The following ADK variants were observed in gnomAD, a reference collection of about 807,000 sequenced individuals.
ADK encodes the protein N6,N6-dimethyladenosine kinase.
Under a neutral mutation model 44.7 loss-of-function variants are expected in ADK, and 24 were observed. The ratio of observed to expected loss-of-function variants is 0.54; its 90% confidence interval spans 0.39 to 0.76. ADK has a LOEUF of 0.76. Among genes scored for constraint, ADK ranks in the 30% least tolerant of loss-of-function variants. The pLI, the probability that ADK is intolerant of heterozygous loss-of-function variation, is 0.00. For missense variants in ADK, 321 were observed against 425.1 expected (o/e 0.76, Z 2.15); for synonymous variants, 128 against 142.6 (o/e 0.90, Z 0.73).
chr10:74,576,212 AAAG>A (rs1851178779), intron 7 of ADK, among the ~76,000 whole-genome samples: 1 of 152,176 alleles, frequency 6.6e-6, no homozygotes, highest in South Asian at 2.1e-4. Flanking sequence ...ATGCAACAGA[AAAG>A]AAGGGAAGAG....
chr10:74,214,147 CT>C (rs1312597713), intron 2 of ADK, among the ~76,000 whole-genome samples: 1 of 152,036 alleles, frequency 6.6e-6, no homozygotes, highest in Non-Finnish European at 1.5e-5. Flanking sequence ...TAACTTTTTG[CT>C]TTTTTATTCT....
chr10:74,581,795 A>G (rs1036030927), intron 7 of ADK, among the ~76,000 whole-genome samples: 1 of 152,180 alleles, frequency 6.6e-6, no homozygotes, highest in Non-Finnish European at 1.5e-5. Context: ...AAGGAAAGAG[A>G]ATATTAACCC....
intron 7 of ADK, among the ~76,000 whole-genome samples, chr10:74,585,849 G>T (rs1018367649): frequency 7.9e-5 from 12 of 152,162 alleles, no homozygotes; most frequent in Non-Finnish European, 1.8e-4. Context: ...ATGGGGACTT[G>T]CTTGTTTTCT....
intron 3 of ADK, among the ~76,000 whole-genome samples, chr10:74,243,296 C>T (rs1206232366): frequency 6.6e-6 from 1 of 152,180 alleles, no homozygotes; most frequent in Non-Finnish European, 1.5e-5. Flanking sequence ...TAACATGCTC[C>T]CTCCTGCAGG....
intron 9 of ADK, among the ~76,000 whole-genome samples, chr10:74,653,423 G>C (rs1307911134): frequency 1.3e-5 from 2 of 152,110 alleles, no homozygotes; most frequent in African/African-American, 4.8e-5. Flanking sequence ...TTGCTGTCCA[G>C]CCTGGGTGAC....
At position 74,622,626 on chromosome 10, in the gene ADK, A is replaced by G. The variant is rs1853034527; in HGVS notation, c.877+22133A>G. Among the ~76,000 whole-genome samples the G allele has an allele frequency of 1.3e-5, 2 of 152,184 alleles. 1 individual carries two copies. Among genetic ancestry groups the G allele is most frequent in the South Asian group, 4.1e-4 (2 of 4,828 alleles). ...CTGTTTTTAGGAATGTGACTTAGGA[A>G]TACTGTTCTTCATACCGCACTTTGG... On this transcript the variant is annotated intron_variant, in intron 9 of 10. Coordinates refer to ENST00000539909, the MANE Select transcript of ADK (RefSeq NM_006721.4).
chr10:74,416,545 GGTTTTT>G (rs1410610454), intron 6 of ADK, among the ~76,000 whole-genome samples: 2 of 143,894 alleles, frequency 1.4e-5, no homozygotes, highest in Non-Finnish European at 3.1e-5. Flanking sequence ...GCACAAGGTT[GGTTTTT>G]GTTTTTGTTT....
rs113312479 is a variant in ADK at position 74,173,230 on chromosome 10, A to G, written c.65+21887A>G. Among the ~76,000 whole-genome samples, 15 of 150,794 alleles carry G rather than the reference A, an allele frequency of 9.9e-5. 1 individual carries two copies. The highest frequency in any genetic ancestry group is 3.4e-4 in the African/African-American group (14 of 41,048). ...CTCAGCCTCCCAAGTGGCTGGGACT[A>G]CAGGCACCCGCCACCACGCCCGGCT... is the stretch of plus-strand genomic sequence containing the variant. On this transcript the variant is annotated intron_variant, in intron 1 of 10. Coordinates refer to ENST00000539909, the MANE Select transcript of ADK (RefSeq NM_006721.4).
In ADK at chr10:74,359,218, T is replaced by C. The variant is rs555784602; in HGVS notation, c.274-34923T>C. Among the ~76,000 whole-genome samples, 280 of 152,348 alleles carry C rather than the reference T, an allele frequency of 1.8e-3. 2 individuals carry two copies. Among genetic ancestry groups the C allele is most frequent in the African/African-American group, 6.6e-3 (276 of 41,584 alleles). On this transcript the variant is annotated intron_variant, in intron 4 of 10. Transcript: ENST00000539909. Reference sequence around the variant, plus strand: ...CAGTACCATGCTGTTTTGGTTACTGTAGCTTGGTAATATAATTTGAATTTG... The same window carrying C: ...CAGTACCATGCTGTTTTGGTTACTGCAGCTTGGTAATATAATTTGAATTTG...
At chr10:74,262,426 C>T (rs1231831511) in intron 3 of ADK, among the ~76,000 whole-genome samples, 1 of 151,578 alleles carries the variant, frequency 6.6e-6, no homozygotes, top group Non-Finnish European at 1.5e-5. Context: ...TATCTTATTA[C>T]TTTCTCTGAG....
intron 3 of ADK, among the ~76,000 whole-genome samples, chr10:74,310,078 G>A (rs1386106721): frequency 2.0e-5 from 3 of 151,976 alleles, no homozygotes; most frequent in African/African-American, 7.3e-5. Context: ...TAGGCTTGTG[G>A]TGGAAAAATG....
intron 4 of ADK, among the ~76,000 whole-genome samples, chr10:74,333,894 G>A (rs993638581): frequency 1.3e-5 from 2 of 151,910 alleles, no homozygotes; most frequent in Non-Finnish European, 2.9e-5. Context: ...AGGGTCCTGG[G>A]TATATTTTTG....
chr10:74,155,874 A>C (rs1841736311), intron 1 of ADK, among the ~76,000 whole-genome samples: 1 of 152,176 alleles, frequency 6.6e-6, no homozygotes, highest in Non-Finnish European at 1.5e-5. Context: ...GAGCTTTGCT[A>C]CTATTTTCTT....
At chr10:74,628,215 G>A (rs747495039) in intron 9 of ADK, among the ~76,000 whole-genome samples, 14 of 152,102 alleles carry the variant, frequency 9.2e-5, no homozygotes, top group Admixed American at 1.3e-4. Context: ...CAAAGCATCA[G>A]CTTTTTTCTT....
intron 3 of ADK, among the ~76,000 whole-genome samples, chr10:74,261,338 C>G (rs992319950): frequency 6.6e-6 from 1 of 152,180 alleles, no homozygotes; most frequent in Middle Eastern, 3.4e-3. Flanking sequence ...ATCATAGGTT[C>G]GAAACTCAAT....
chr10:74,417,531 C>A (rs944393697), intron 6 of ADK, among the ~76,000 whole-genome samples: 1 of 152,072 alleles, frequency 6.6e-6, no homozygotes, highest in African/African-American at 2.4e-5. Flanking sequence ...TTATTAGTTT[C>A]ACAGATGCTT....
At chr10:74,658,881 C>T (rs1387129467) in intron 9 of ADK, among the ~76,000 whole-genome samples, 1 of 150,502 alleles carries the variant, frequency 6.6e-6, no homozygotes, top group African/African-American at 2.4e-5. Flanking sequence ...ATTCATTATA[C>T]ACACACACAC....
chr10:74,613,954 C>T lies in ADK; in HGVS notation c.877+13461C>T, dbSNP rs573013786. ...CTTTTAAAATGTCTTGTATGGCATTCATAGAAAAAAGTTCTTACCAGGTAA... is the reference window on the plus strand; with the variant it reads ...CTTTTAAAATGTCTTGTATGGCATTTATAGAAAAAAGTTCTTACCAGGTAA... On this transcript the variant is annotated intron_variant, in intron 9 of 10. Coordinates refer to ENST00000539909, the MANE Select transcript of ADK (RefSeq NM_006721.4). Among the ~76,000 whole-genome samples the T allele has an allele frequency of 2.6e-5, 4 of 152,070 alleles. No individual in the cohort carries two copies. The South Asian group carries it at 6.3e-4, about 24-fold the overall frequency.
chr10:74,466,063 TG>T (rs1846345291), intron 6 of ADK, among the ~76,000 whole-genome samples: 1 of 152,180 alleles, frequency 6.6e-6, no homozygotes, highest in African/African-American at 2.4e-5. Context: ...TACTGTATAA[TG>T]TTTTTTTGTC....
Sources: allele counts gnomAD v4.1 joint callset (sites outside exome capture counted in the v4.1 genomes callset), GRCh38; gene constraint gnomAD v4.1.1; transcripts MANE v1.5; gene names NCBI Gene and HGNC (gene_info 2026-07-23, HGNC 2026-07-21).